Variants in ROR2 observed in about 807,000 individuals in gnomAD.
ROR2 encodes tyrosine-protein kinase transmembrane receptor ROR2.
In ROR2, 33 loss-of-function variants were observed where a neutral mutation model predicts 74.9. The observed-to-expected ratio is 0.44, with a 90% CI of 0.33 to 0.59. The LOEUF (loss-of-function observed/expected upper bound fraction) is 0.59, where lower values mean the gene tolerates loss of function less well. Ranked by LOEUF, ROR2 falls within the 20% of genes least tolerant of loss-of-function variation. The pLI, the probability that ROR2 is intolerant of heterozygous loss-of-function variation, is 0.02. For missense variants in ROR2, 1,216 were observed against 1,313.8 expected, an observed-to-expected ratio of 0.93 and a Z score of 1.15; for synonymous variants, 586 against 558.7, an observed-to-expected ratio of 1.05 and a Z score of -0.69.
chr9:91,844,336 A>G (rs983623432), intron 1 of ROR2, among the ~76,000 whole-genome samples: 1 of 152,068 alleles, frequency 6.6e-6, no homozygotes, highest in Non-Finnish European at 1.5e-5. Flanking sequence ...CCGGCACACA[A>G]GATGGGCTCT....
At chr9:91,767,223 C>T (rs542547633) in intron 2 of ROR2, among the ~76,000 whole-genome samples, 2 of 152,160 alleles carry the variant, frequency 1.3e-5, no homozygotes, top group South Asian at 2.1e-4. Context: ...TATAGGCATG[C>T]ACCACCACGC....
At chr9:91,816,797 G>A (rs1827955141) in intron 1 of ROR2, among the ~76,000 whole-genome samples, 1 of 150,380 alleles carries the variant, frequency 6.6e-6, no homozygotes, top group South Asian at 2.1e-4. Context: ...AAAGGAGTGA[G>A]GGTATGGGAG....
intron 1 of ROR2, among the ~76,000 whole-genome samples, chr9:91,888,092 C>T (rs573973405): frequency 1.3e-5 from 2 of 152,214 alleles, no homozygotes; most frequent in East Asian, 3.9e-4. Flanking sequence ...GCCCAGCCTC[C>T]ATAACACATT....
intron 1 of ROR2, among the ~76,000 whole-genome samples, chr9:91,793,961 C>T (rs887022383): frequency 6.6e-6 from 1 of 152,186 alleles, no homozygotes; most frequent in East Asian, 1.9e-4. Flanking sequence ...CTCAAAATCT[C>T]TGCTGCACCA....
At chr9:91,917,588 C>A (rs1418523751) in intron 1 of ROR2, among the ~76,000 whole-genome samples, 1 of 152,330 alleles carries the variant, frequency 6.6e-6, no homozygotes, top group East Asian at 1.9e-4. Context: ...CCTGGGCACC[C>A]AACGTTGGCC....
Position 91,723,363 on chromosome 9 carries a change from T to G in ROR2, c.*299A>C, listed in dbSNP as rs1267535386. Reference sequence around the variant, plus strand: ...ACCTATTTTCTTGAAAGGCATTTGCTGCTCACTACCAGTCTACCACCAGAA... The same window carrying G: ...ACCTATTTTCTTGAAAGGCATTTGCGGCTCACTACCAGTCTACCACCAGAA... On this transcript the variant is annotated 3_prime_UTR_variant, in exon 9 of 9. Transcript: ENST00000375708. The G allele has an allele frequency of 3.0e-5, 12 of 406,270 alleles. No homozygotes were observed. Among genetic ancestry groups the G allele is most frequent in the Non-Finnish European group, 4.9e-5 (11 of 225,548 alleles). The allele number at this position is 406,270 out of a possible 1,614,324, so 25.2% of individuals were successfully genotyped here.
At chr9:91,750,420 C>T (rs530466949) in intron 4 of ROR2, among the ~76,000 whole-genome samples, 2 of 152,306 alleles carry the variant, frequency 1.3e-5, no homozygotes, top group Admixed American at 1.3e-4. Flanking sequence ...TGGTTAAAGA[C>T]ATCTTATTTG....
In ROR2 at chr9:91,848,525, C is replaced by A. The variant is rs964271333; in HGVS notation, c.98-72707G>T. 1.8e-4 allele frequency among the ~76,000 whole-genome samples: 28 copies of A among 152,090 alleles called. 1 individual carries two copies. The highest frequency in any genetic ancestry group is 1.2e-3 in the Admixed American group (18 of 15,282). ...CCTGTAATCCCAGAACTTTAGGAGG[C>A]CGAGTTGGGTGGATCACCTGAGGTC... On this transcript the variant is annotated intron_variant, in intron 1 of 8. Transcript: ENST00000375708.
intron 1 of ROR2, among the ~76,000 whole-genome samples, chr9:91,861,832 A>T (rs911574481): frequency 6.6e-6 from 1 of 152,232 alleles, no homozygotes. Context: ...GTACTTTCAA[A>T]GTATATATTT....
intron 1 of ROR2, among the ~76,000 whole-genome samples, chr9:91,852,641 ACACACACACC>A (rs1433278174): frequency 2.6e-5 from 4 of 151,418 alleles, no homozygotes; most frequent in Non-Finnish European, 5.9e-5. Context: ...ACACACACAC[ACACACACACC>A]CACACACACA....
At chr9:91,774,956 AAT>A (rs1245222295) in intron 2 of ROR2, among the ~76,000 whole-genome samples, 2 of 152,204 alleles carry the variant, frequency 1.3e-5, no homozygotes, top group Admixed American at 1.3e-4. Context: ...CCATGACAGG[AAT>A]AGTGTCCTTA....
chr9:91,767,951 C>T (rs1323520310), intron 2 of ROR2, among the ~76,000 whole-genome samples: 1 of 152,168 alleles, frequency 6.6e-6, no homozygotes, highest in Non-Finnish European at 1.5e-5. Context: ...GCAGATGTAA[C>T]GAAGTTAAGA....
At chr9:91,818,402 C>T (rs921552218) in intron 1 of ROR2, among the ~76,000 whole-genome samples, 1 of 152,046 alleles carries the variant, frequency 6.6e-6, no homozygotes, top group African/African-American at 2.4e-5. Flanking sequence ...CACACCCCCC[C>T]ACAGGCTATC....
chr9:91,881,934 C>A (rs1375556040), intron 1 of ROR2, among the ~76,000 whole-genome samples: 4 of 152,162 alleles, frequency 2.6e-5, no homozygotes, highest in Non-Finnish European at 4.4e-5. Flanking sequence ...GGCCCTCAGG[C>A]TGGGCAGCAG....
chr9:91,866,041 A>C (rs1164035339), intron 1 of ROR2, among the ~76,000 whole-genome samples: 3 of 152,220 alleles, frequency 2.0e-5, no homozygotes, highest in Admixed American at 6.5e-5. Context: ...ATTTACAGTG[A>C]AACAGTCAAA....
chr9:91,800,767 A>C (rs918414442), intron 1 of ROR2, among the ~76,000 whole-genome samples: 1 of 152,216 alleles, frequency 6.6e-6, no homozygotes, highest in African/African-American at 2.4e-5. Context: ...TTACGAGGCC[A>C]CAGTAAAGTT....
intron 2 of ROR2, among the ~76,000 whole-genome samples, chr9:91,761,104 G>C (rs1825900632): frequency 6.6e-6 from 1 of 152,144 alleles, no homozygotes; most frequent in African/African-American, 2.4e-5. Flanking sequence ...GGGGGTCAAA[G>C]TCCTCATATC....
intron 2 of ROR2, among the ~76,000 whole-genome samples, chr9:91,774,575 A>G (rs1564267550): frequency 6.6e-6 from 1 of 152,228 alleles, no homozygotes; most frequent in South Asian, 2.1e-4. Flanking sequence ...CCAATCACTG[A>G]AACAACAAGC....
intron 1 of ROR2, among the ~76,000 whole-genome samples, chr9:91,827,850 G>A (rs1446146236): frequency 3.3e-5 from 5 of 152,222 alleles, no homozygotes; most frequent in African/African-American, 4.8e-5. Context: ...GTTTTCTTCT[G>A]AAGAAATGTA....
Sources: gnomAD v4.1 joint callset for allele counts (sites outside exome capture counted in the v4.1 genomes callset) on GRCh38, gnomAD v4.1.1 for gene constraint, MANE v1.5 for transcripts, NCBI Gene and HGNC (gene_info 2026-07-23, HGNC 2026-07-21) for gene names.